Variants in CSF2RA observed in about 807,000 individuals in gnomAD.
The protein encoded by CSF2RA is colony stimulating factor 2 receptor subunit alpha.
Under a neutral mutation model 51.6 loss-of-function variants are expected in CSF2RA, and 42 were observed. The observed-to-expected ratio is 0.81, with a 90% confidence interval of 0.64 to 1.05. The LOEUF is 1.05. Ranked by LOEUF, CSF2RA falls within the 50% of genes least tolerant of loss-of-function variation. CSF2RA has a pLI of 0.00. For synonymous variants in CSF2RA, 222 were observed against 193.0 expected (o/e 1.15, Z -1.24); for missense variants, 530 against 501.1 (o/e 1.06, Z -0.55).
chrX:1,313,781 G>T (rs1428680411), downstream of CSF2RA, among the ~76,000 whole-genome samples: 1 of 151,964 alleles, frequency 6.6e-6, no homozygotes, highest in East Asian at 1.9e-4. Flanking sequence ...CTGAGGTCAG[G>T]AGTCCGAGAC....
At position 1,301,331 on chromosome X, in the gene CSF2RA, C is replaced by CAAAAA. The variant is rs1156943650; in HGVS notation, c.946+724_946+728dup. Among the ~76,000 whole-genome samples, 25 of 62,698 alleles carry CAAAAA rather than the reference C, an allele frequency of 4.0e-4. 1 individual carries two copies. Among genetic ancestry groups the CAAAAA allele is most frequent in the African/African-American group, 7.8e-4 (13 of 16,592 alleles). 41.1% of individuals were successfully genotyped at this position (62,698 alleles called of 152,430 possible). A position where few individuals can be genotyped will look rare whatever the true frequency, so the allele number is the denominator to read the frequency against. The stretch of plus-strand genomic sequence containing the variant: ...TGGGTGACAGAGTGAGACTCTGTCT[C>CAAAAA]AAAAAAAAAAAAAAAAAAAAAAAGA... On this transcript the variant is annotated intron_variant, in intron 10 of 12. Coordinates refer to ENST00000381529, the MANE Select transcript of CSF2RA (RefSeq NM_172245.4).
chrX:1,302,933 A>C (rs771662175), intron 10 of CSF2RA: 1 of 258,584 alleles, frequency 3.9e-6, no homozygotes, highest in Admixed American at 5.5e-5. Flanking sequence ...GTGCAATGGC[A>C]CGATCTCGGC....
chrX:1,285,999 G>A (rs767242319), intron 4 of CSF2RA, 79 bp downstream of exon 4: 886 of 1,589,150 alleles, frequency 5.6e-4, no homozygotes, highest in Non-Finnish European at 6.7e-4. Context: ...CCGGCTGGGC[G>A]CGGCGGCTCA....
intron 2 of CSF2RA, among the ~76,000 whole-genome samples, chrX:1,280,095 A>T (rs1245556729): frequency 5.9e-5 from 9 of 151,964 alleles, no homozygotes; most frequent in African/African-American, 2.2e-4. Context: ...CGGCCGAGAG[A>T]CGCAATCTTT....
intron 3 of CSF2RA, chrX:1,285,532 TA>T: frequency 1.9e-6 from 1 of 533,962 alleles, no homozygotes. Context: ...CCATCTCTAC[TA>T]AAAATACAAA....
At chrX:1,307,823 T>C (rs375431609) in intron 12 of CSF2RA, among the ~76,000 whole-genome samples, 78,704 of 89,558 alleles carry the variant, frequency 0.88, 36,368 homozygotes, top group Non-Finnish European at 0.94. Flanking sequence ...AGATGAGGCC[T>C]ACCCTTCTCC....
chrX:1,281,249 CTTCCTT>C (rs2090015996), intron 2 of CSF2RA, among the ~76,000 whole-genome samples: 1 of 132,890 alleles, frequency 7.5e-6, no homozygotes, highest in Non-Finnish European at 1.6e-5. Flanking sequence ...TCCTTCTCCT[CTTCCTT>C]CTTCTCCTCC....
chrX:1,278,042 G>A (rs369145937), intron 2 of CSF2RA, among the ~76,000 whole-genome samples: 6 of 95,514 alleles, frequency 6.3e-5, no homozygotes, highest in African/African-American at 1.3e-4. Context: ...GAAAGACTAG[G>A]TACTCCAGAG....
At chrX:1,271,360 G>C (rs2088390122) in intron 1 of CSF2RA, among the ~76,000 whole-genome samples, 1 of 46,340 alleles carries the variant, frequency 2.2e-5, no homozygotes, top group Non-Finnish European at 4.2e-5. Context: ...TTTTTTTGGA[G>C]ACAGCGTCTT....
At chrX:1,305,811 T>G in intron 12 of CSF2RA, 85 of 1,543,626 alleles carry the variant, frequency 5.5e-5, no homozygotes, top group Non-Finnish European at 6.7e-5. Flanking sequence ...CCAGGCACGG[T>G]GGCTCATGCC....
intron 10 of CSF2RA, among the ~76,000 whole-genome samples, chrX:1,302,010 A>G (rs1181565956): frequency 1.4e-5 from 2 of 144,358 alleles, no homozygotes; most frequent in East Asian, 2.1e-4. Flanking sequence ...TCCGCCTCCC[A>G]GGTTCAAGCA....
At chrX:1,316,102 C>CACATAGAT in the CSF2RA span, among the ~76,000 whole-genome samples, 2 of 83,116 alleles carry the variant, frequency 2.4e-5, no homozygotes, top group Non-Finnish European at 5.7e-5. Context: ...GATAGATAGA[C>CACATAGAT]ACATAGATAC....
chrX:1,294,344 C>A lies in CSF2RA; in HGVS notation c.663C>A (p.Pro221=), dbSNP rs1451010949. The stretch of plus-strand genomic sequence containing the variant: ...TCGTTACAGAACGATTCAACCCTCC[C>A]AGCAATGTCACCGTACGTTGCAACA... The part of the protein sequence containing the change: ...DTKKIERFNP[P]SNVTVRCNTT... The change falls in exon 8 of 13, where the codon CCC becomes CCA. Residue 221 remains proline (P), a synonymous_variant. Coordinates refer to ENST00000381529, the MANE Select transcript of CSF2RA (RefSeq NM_172245.4). The A allele has an allele frequency of 3.1e-6, 5 of 1,613,676 alleles. No individual in the cohort carries two copies. Among genetic ancestry groups the A allele is most frequent in the Non-Finnish European group, 4.2e-6 (5 of 1,179,858 alleles).
chrX:1,299,769 G>A (rs1226062565), intron 9 of CSF2RA, among the ~76,000 whole-genome samples: 1 of 151,694 alleles, frequency 6.6e-6, no homozygotes, highest in Non-Finnish European at 1.5e-5. Flanking sequence ...AATACAAAAC[G>A]TACCCATGCG....
downstream of CSF2RA, among the ~76,000 whole-genome samples, chrX:1,314,798 TGCACCTGCCCAACC>T (rs2084451731): frequency 2.4e-5 from 2 of 83,074 alleles, no homozygotes; most frequent in South Asian, 8.7e-4. Context: ...CCAATCCCAC[TGCACCTGCCCAACC>T]CCACTGTGCC....
intron 4 of CSF2RA, among the ~76,000 whole-genome samples, chrX:1,286,872 G>A (rs1444959955): frequency 4.6e-5 from 7 of 152,076 alleles, no homozygotes; most frequent in African/African-American, 1.7e-4. Context: ...GTGTGTCACC[G>A]TCCTGGTTCC....
the CSF2RA span, among the ~76,000 whole-genome samples, chrX:1,317,073 A>G: frequency 6.6e-6 from 1 of 151,250 alleles, no homozygotes; most frequent in Non-Finnish European, 1.5e-5. Context: ...CAGCCTCCCG[A>G]GTAGCTGGGA....
chrX:1,282,917 C>T (rs1485800158), intron 3 of CSF2RA, 138 bp downstream of exon 3: 1 of 807,042 alleles, frequency 1.2e-6, no homozygotes, highest in African/African-American at 1.7e-5. Context: ...ACCAGCCAAC[C>T]CACCAGAAGC....
chrX:1,304,611 C>G (rs1357179522), intron 11 of CSF2RA, among the ~76,000 whole-genome samples: 1 of 150,480 alleles, frequency 6.6e-6, no homozygotes, highest in East Asian at 2.0e-4. Context: ...ATCCCACTAG[C>G]CTTGAAGAGC....
Sources: allele counts gnomAD v4.1 joint callset (sites outside exome capture counted in the v4.1 genomes callset), GRCh38; gene constraint gnomAD v4.1.1; transcripts MANE v1.5; gene names NCBI Gene and HGNC (gene_info 2026-07-23, HGNC 2026-07-21).